Variants in FLVCR1 observed in about 807,000 individuals in gnomAD.
FLVCR1 encodes FLVCR choline and heme transporter 1.
Under a neutral mutation model 53.6 loss-of-function variants are expected in FLVCR1, and 34 were observed. That is an observed-to-expected ratio of 0.63 (90% CI 0.48 to 0.84). The LOEUF is 0.84. FLVCR1 is among the 40% of genes least tolerant of loss of function. FLVCR1 has a pLI of 0.00. For synonymous variants in FLVCR1, 300 were observed against 286.3 expected, an observed-to-expected ratio of 1.05 and a Z score of -0.48; for missense variants, 677 against 696.7, an observed-to-expected ratio of 0.97 and a Z score of 0.32.
chr1:212,877,400 A>C (rs1664784702), intron 3 of FLVCR1, among the ~76,000 whole-genome samples: 1 of 151,906 alleles, frequency 6.6e-6, no homozygotes, highest in African/African-American at 2.4e-5. Context: ...TTTTTAGTAG[A>C]GACGGGGTTT....
At chr1:212,874,600 C>T (rs1664703501) in intron 3 of FLVCR1, among the ~76,000 whole-genome samples, 1 of 145,416 alleles carries the variant, frequency 6.9e-6, no homozygotes, top group African/African-American at 2.6e-5. Flanking sequence ...ATGATCTCGG[C>T]TCACTGCAAC....
At chr1:212,891,783 A>G (rs1386285577) in intron 8 of FLVCR1, among the ~76,000 whole-genome samples, 1 of 152,244 alleles carries the variant, frequency 6.6e-6, no homozygotes, top group Non-Finnish European at 1.5e-5. Flanking sequence ...TGAACAAGTC[A>G]TGTCAAAAGC....
intron 1 of FLVCR1, among the ~76,000 whole-genome samples, chr1:212,859,663 A>C (rs1664158304): frequency 6.6e-6 from 1 of 152,036 alleles, no homozygotes; most frequent in Non-Finnish European, 1.5e-5. Context: ...GGTTGCAGTG[A>C]GCGGAGATTG....
intron 2 of FLVCR1, among the ~76,000 whole-genome samples, chr1:212,865,147 T>A (rs1359338971): frequency 1.4e-5 from 2 of 147,146 alleles, no homozygotes; most frequent in African/African-American, 4.9e-5. Flanking sequence ...TTTTTTTTTT[T>A]ATTATAAGTT....
chr1:212,860,903 C>G (rs1013871867), intron 1 of FLVCR1, among the ~76,000 whole-genome samples: 1 of 152,216 alleles, frequency 6.6e-6, no homozygotes, highest in African/African-American at 2.4e-5. Context: ...CCCTTTATCT[C>G]TAATGCCACT....
In FLVCR1 at chr1:212,895,482, ATTCTTCTG is replaced by A. The variant is rs1162991374; in HGVS notation, c.*195_*202del. The stretch of plus-strand genomic sequence containing the variant: ...TTAAATTAAGGGAAATTTTCTTAAA[ATTCTTCTG>A]TTTACATCATGTTAACACTACTGTT... On this transcript the variant is annotated 3_prime_UTR_variant, in exon 10 of 10. Transcript: ENST00000366971. 3 of 612,990 alleles carry A rather than the reference ATTCTTCTG, an allele frequency of 4.9e-6. No individual in the cohort carries two copies. The African/African-American group carries it at 5.5e-5, about 11-fold the overall frequency. 38.0% of individuals were successfully genotyped at this position (612,990 alleles called of 1,614,324 possible).
At chr1:212,878,447 A>G (rs1664828914) in intron 3 of FLVCR1, among the ~76,000 whole-genome samples, 1 of 150,490 alleles carries the variant, frequency 6.6e-6, no homozygotes, top group Middle Eastern at 3.2e-3. Flanking sequence ...CCTCTCAGTG[A>G]GAGGCACTTG....
intron 8 of FLVCR1, among the ~76,000 whole-genome samples, chr1:212,892,055 GA>G (rs1473647242): frequency 6.6e-6 from 1 of 152,214 alleles, no homozygotes; most frequent in Non-Finnish European, 1.5e-5. Context: ...AGTTGCGGAA[GA>G]AAAGCTGGAA....
chr1:212,858,502 C>T lies in FLVCR1; in HGVS notation c.50C>T (p.Pro17Leu). Residue 17 changes from proline to leucine, a missense_variant, in exon 1 of 10, where the codon CCG becomes CTG. Coordinates refer to ENST00000366971, the MANE Select transcript of FLVCR1 (RefSeq NM_014053.4). ...GGGGCGGCGGTGGCGCCCGGACACC[C>T]GCTCGCGAAAGGATACCTCCCGTTG... ...EEGAAVAPGH[P>L]LAKGYLPLPR... 1 of 1,447,700 alleles carries T rather than the reference C, an allele frequency of 6.9e-7. No individual in the cohort carries two copies. Among genetic ancestry groups the T allele is most frequent in the Non-Finnish European group, 9.1e-7 (1 of 1,103,736 alleles). The allele number at this position is 1,447,700 out of a possible 1,614,324, so 89.7% of individuals were successfully genotyped here. A position where few individuals can be genotyped will look rare whatever the true frequency, so the allele number is the denominator to read the frequency against.
At chr1:212,859,879 G>A (rs1220186152) in intron 1 of FLVCR1, among the ~76,000 whole-genome samples, 1 of 152,122 alleles carries the variant, frequency 6.6e-6, no homozygotes, top group Non-Finnish European at 1.5e-5. Flanking sequence ...TTGGGTTCTG[G>A]GAAGATTGTT....
chr1:212,891,402 A>G (rs1665190344), intron 8 of FLVCR1, among the ~76,000 whole-genome samples: 1 of 151,848 alleles, frequency 6.6e-6, no homozygotes, highest in Non-Finnish European at 1.5e-5. Flanking sequence ...GGTGAAGATC[A>G]CACCACCACT....
intron 1 of FLVCR1, among the ~76,000 whole-genome samples, chr1:212,859,394 T>A (rs1357169363): frequency 6.6e-6 from 1 of 152,156 alleles, no homozygotes; most frequent in Non-Finnish European, 1.5e-5. Context: ...CCAAACGACC[T>A]TGTCATCTTG....
chr1:212,861,927 C>A (rs1419063240), intron 1 of FLVCR1, among the ~76,000 whole-genome samples: 2 of 152,124 alleles, frequency 1.3e-5, no homozygotes, highest in African/African-American at 4.8e-5. Flanking sequence ...ACCTCGGCCT[C>A]CCAAAGTGCT....
At position 212,889,207 on chromosome 1, in the gene FLVCR1, C is replaced by T; in HGVS notation, c.1475C>T (p.Ala492Val). 1 of 1,613,830 alleles carries T rather than the reference C, an allele frequency of 6.2e-7. No homozygotes were observed. Among genetic ancestry groups the T allele is most frequent in the Non-Finnish European group, 8.5e-7 (1 of 1,179,824 alleles). The change falls in exon 8 of 10, where the codon GCA (alanine) becomes GTA (valine). Residue 492 changes from alanine to valine, a missense_variant. Physicochemically the swap from Ala to Val is moderately conservative, Grantham distance 64 (BLOSUM62 0). Transcript: ENST00000366971. ...CTCACATCAGACTATGGTCCTAAGG[C>T]AGGGAACATTTTTCTCTGTGTCTGG... is the stretch of plus-strand genomic sequence containing the variant. ...GKLTSDYGPK[A>V]GNIFLCVWMF...
At chr1:212,871,965 C>A (rs1558112359) in intron 2 of FLVCR1, among the ~76,000 whole-genome samples, 1 of 152,172 alleles carries the variant, frequency 6.6e-6, no homozygotes, top group Admixed American at 6.5e-5. Flanking sequence ...TTCCATGAAT[C>A]TACCTGGAGT....
chr1:212,885,798 G>A (rs1413845349), intron 5 of FLVCR1, among the ~76,000 whole-genome samples: 2 of 151,836 alleles, frequency 1.3e-5, no homozygotes, highest in South Asian at 2.1e-4. Context: ...TGATCCACCC[G>A]CCTCGACCTC....
At chr1:212,883,974 T>C (rs1664991914) in intron 4 of FLVCR1, among the ~76,000 whole-genome samples, 1 of 152,092 alleles carries the variant, frequency 6.6e-6, no homozygotes, top group South Asian at 2.1e-4. Context: ...AACAATGGCC[T>C]CCCATCATTT....
intron 2 of FLVCR1, among the ~76,000 whole-genome samples, chr1:212,870,740 T>TTTACC (rs1287050877): frequency 6.6e-6 from 1 of 152,108 alleles, no homozygotes; most frequent in African/African-American, 2.4e-5. Context: ...ACTGAATCCA[T>TTTACC]TTACCTTCTT....
At chr1:212,877,131 CTTTTTTT>C (rs55822947) in intron 3 of FLVCR1, among the ~76,000 whole-genome samples, 14 of 94,600 alleles carry the variant, frequency 1.5e-4, no homozygotes, top group Admixed American at 3.6e-4. Flanking sequence ...ACATAAATGT[CTTTTTTT>C]TTTTTTTTTT....
Sources: allele counts gnomAD v4.1 joint callset (sites outside exome capture counted in the v4.1 genomes callset), GRCh38; gene constraint gnomAD v4.1.1; transcripts MANE v1.5; gene names NCBI Gene and HGNC (gene_info 2026-07-23, HGNC 2026-07-21).